XCR1: variants seen among roughly 807,000 people sequenced by gnomAD.
XCR1 encodes X-C motif chemokine receptor 1, also known as chemokine XC receptor 1.
For missense variants in XCR1, 356 were observed against 424.2 expected (o/e 0.84, Z 1.41); for synonymous variants, 187 against 188.5 (o/e 0.99, Z 0.06).
At position 46,020,810 on chromosome 3, in the gene XCR1, C is replaced by T. The variant is rs1708123839; in HGVS notation, c.*136G>A. The T allele has an allele frequency of 2.4e-6, 3 of 1,246,150 alleles. No individual in the cohort carries two copies. In the African/African-American group the frequency reaches 4.6e-5, roughly 19 times the overall value. 77.2% of individuals were successfully genotyped at this position (1,246,150 alleles called of 1,614,324 possible). On this transcript the variant is annotated 3_prime_UTR_variant, in exon 2 of 2. Coordinates refer to ENST00000309285, the MANE Select transcript of XCR1 (RefSeq NM_001024644.2). ...GGGACCCACTGGTGTAATGAATGACCTTCACTGCACGCCTGCAGCGGAGGA... is the reference window on the plus strand; with the variant it reads ...GGGACCCACTGGTGTAATGAATGACTTTCACTGCACGCCTGCAGCGGAGGA...
chr3:46,040,118 G>T (rs1255011131), intron 5 of XCR1, among the ~76,000 whole-genome samples: 1 of 152,080 alleles, frequency 6.6e-6, no homozygotes, highest in African/African-American at 2.4e-5. Context: ...TTTACCTTTT[G>T]AGTAAAACCA....
chr3:46,022,623 AT>A (rs1210639837), intron 1 of XCR1, among the ~76,000 whole-genome samples: 1 of 152,240 alleles, frequency 6.6e-6, no homozygotes, highest in Non-Finnish European at 1.5e-5. Context: ...TTTCTTTAGA[AT>A]GCCCTTCCTT....
intron 5 of XCR1, among the ~76,000 whole-genome samples, chr3:46,042,821 C>A (rs746509321): frequency 6.6e-6 from 1 of 152,176 alleles, no homozygotes; most frequent in South Asian, 2.1e-4. Flanking sequence ...TAATCTATAT[C>A]TGTGAGGCCA....
chr3:46,021,685 A>G lies in XCR1; in HGVS notation c.263T>C (p.Ile88Thr), dbSNP rs1276745171. The G allele has an allele frequency of 6.2e-7, 1 of 1,613,922 alleles. No homozygotes were observed. Among genetic ancestry groups the G allele is most frequent in the Non-Finnish European group, 8.5e-7 (1 of 1,180,022 alleles). ...CACCCAGCCCCAGTGGTATGGGGAG[A>G]TCCACACAGGCAACAAGCAGGCGAA... ...LVFACLLPVWISPYHWGWVLG... is the reference protein window; with the variant it reads ...LVFACLLPVWTSPYHWGWVLG... The change falls in exon 2 of 2, where the codon ATC (isoleucine) becomes ACC (threonine). Residue 88 changes from isoleucine (I) to threonine (T), a missense_variant. Transcript: ENST00000309285. The surrounding 1 kb of genome is among the most constrained non-coding windows in gnomAD (Gnocchi z 4.7).
rs1344043564 is a variant in XCR1, at chr3:46,017,031, T to C, written c.*3915A>G. 13 of 152,218 alleles carry C rather than the reference T, an allele frequency of 8.5e-5. No individual in the cohort carries two copies. Among genetic ancestry groups the C allele is most frequent in the Admixed American group, 8.5e-4 (13 of 15,286 alleles). 9.4% of individuals were successfully genotyped at this position (152,218 alleles called of 1,614,324 possible). A position where few individuals can be genotyped will look rare whatever the true frequency, so the allele number is the denominator to read the frequency against. Reference sequence around the variant, plus strand: ...CTTTTACTTGTGCATATTAACACAGTGAAGCTTTCTTGTTTAATGAAATGA... The same window carrying C: ...CTTTTACTTGTGCATATTAACACAGCGAAGCTTTCTTGTTTAATGAAATGA... On this transcript the variant is annotated 3_prime_UTR_variant, in exon 2 of 2. Transcript: ENST00000309285.
At position 46,034,759 on chromosome 3, in the gene XCR1, CT is replaced by C. The variant is rs539404884; in HGVS notation, c.-31-12782del. Among the ~76,000 whole-genome samples, 34 of 152,152 alleles carry C rather than the reference CT, an allele frequency of 2.2e-4. No individual in the cohort carries two copies. In the South Asian group the frequency reaches 2.7e-3, roughly 12 times the overall value. The stretch of plus-strand genomic sequence containing the variant: ...ACTGACCCAATAGTCCCATAGAGAG[CT>C]TTTTTGATGAAAAAAGCTTCTGGTT... On this transcript the variant is annotated intron_variant, in intron 5 of 5. Transcript: ENST00000683768.
At chr3:46,036,203 C>T (rs572570504) in intron 5 of XCR1, among the ~76,000 whole-genome samples, 1 of 152,234 alleles carries the variant, frequency 6.6e-6, no homozygotes, top group South Asian at 2.1e-4. Flanking sequence ...CTGTTCTGAG[C>T]AGGTTGGGCC....
chr3:46,074,509 T>C (rs1236091066), intron 3 of XCR1, among the ~76,000 whole-genome samples: 1 of 152,086 alleles, frequency 6.6e-6, no homozygotes, highest in Non-Finnish European at 1.5e-5. Flanking sequence ...AATTATTTAA[T>C]GGGTACAATG....
At position 46,020,590 on chromosome 3, in the gene XCR1, C is replaced by G; in HGVS notation, c.*356G>C. ...CAGTTATCACAATGAGCTTTAGGCCCTGTAAAGTCTCCAAGGAAGCACCTT... is the reference window on the plus strand; with the variant it reads ...CAGTTATCACAATGAGCTTTAGGCCGTGTAAAGTCTCCAAGGAAGCACCTT... On this transcript the variant is annotated 3_prime_UTR_variant, in exon 2 of 2. Transcript: ENST00000309285. 1 of 275,286 alleles carries G rather than the reference C, an allele frequency of 3.6e-6. No individual in the cohort carries two copies. Among genetic ancestry groups the G allele is most frequent in the Non-Finnish European group, 6.9e-6 (1 of 144,398 alleles). 17.1% of individuals were successfully genotyped at this position (275,286 alleles called of 1,614,324 possible). A position where few individuals can be genotyped will look rare whatever the true frequency, so the allele number is the denominator to read the frequency against.
intron 5 of XCR1, among the ~76,000 whole-genome samples, chr3:46,045,336 G>C (rs1184322364): frequency 6.6e-6 from 1 of 151,934 alleles, no homozygotes; most frequent in Non-Finnish European, 1.5e-5. Flanking sequence ...TTGAACTCAG[G>C]AGGCAGAGGT....
At chr3:46,047,648 T>C (rs1697659859) in intron 5 of XCR1, among the ~76,000 whole-genome samples, 1 of 152,178 alleles carries the variant, frequency 6.6e-6, no homozygotes, top group South Asian at 2.1e-4. Context: ...TCTCTTGAAT[T>C]GGTCCTTTCC....
At position 46,059,104 on chromosome 3, in the gene XCR1, C is replaced by T. The variant is rs570762483; in HGVS notation, c.-182-5034G>A. Among the ~76,000 whole-genome samples the T allele has an allele frequency of 3.9e-5, 6 of 152,232 alleles. No individual in the cohort carries two copies. In the East Asian group the frequency reaches 1.2e-3, roughly 29 times the overall value. On this transcript the variant is annotated intron_variant, in intron 4 of 5. Coordinates refer to the XCR1 transcript ENST00000683768. Reference sequence around the variant, plus strand: ...ATGGAAATGGTAAATATGAGACAGGCCCGAGCCAGCCTTGAAGGCACAAGA... The same window carrying T: ...ATGGAAATGGTAAATATGAGACAGGTCCGAGCCAGCCTTGAAGGCACAAGA...
Position 46,020,768 on chromosome 3 carries a change from G to T in XCR1, c.*178C>A, listed in dbSNP as rs1708123244. ...TTCCCAGGTAGGAAGCCACTTTCCC[G>T]CAGATGAGAGGCTGGCGGGACCCAC... On this transcript the variant is annotated 3_prime_UTR_variant, in exon 2 of 2. Coordinates refer to ENST00000309285, the MANE Select transcript of XCR1 (RefSeq NM_001024644.2). 2.3e-6 allele frequency: 2 copies of T among 864,544 alleles called. No homozygotes were observed. 53.6% of individuals were successfully genotyped at this position (864,544 alleles called of 1,614,324 possible). A position where few individuals can be genotyped will look rare whatever the true frequency, so the allele number is the denominator to read the frequency against.
chr3:46,051,308 G>T (rs1345236619), intron 5 of XCR1, among the ~76,000 whole-genome samples: 1 of 152,122 alleles, frequency 6.6e-6, no homozygotes, highest in East Asian at 1.9e-4. Flanking sequence ...AGTCAGTCTT[G>T]ACCCCATAAA....
At chr3:46,077,557 G>A (rs1264487984) in intron 1 of XCR1, among the ~76,000 whole-genome samples, 1 of 152,022 alleles carries the variant, frequency 6.6e-6, no homozygotes, top group Non-Finnish European at 1.5e-5. Flanking sequence ...TAATGCACTT[G>A]CTTCATCCCC....
intron 1 of XCR1, among the ~76,000 whole-genome samples, chr3:46,024,825 T>G (rs1285227273): frequency 6.6e-6 from 1 of 152,184 alleles, no homozygotes; most frequent in Non-Finnish European, 1.5e-5. Flanking sequence ...GGAGGAAATA[T>G]CCTTTGTTTT....
chr3:46,069,154 G>A (rs1698124021), intron 3 of XCR1, among the ~76,000 whole-genome samples: 1 of 151,780 alleles, frequency 6.6e-6, no homozygotes, highest in South Asian at 2.1e-4. Flanking sequence ...TTAAAAAAGA[G>A]AAAATGTCTC....
intron 3 of XCR1, among the ~76,000 whole-genome samples, chr3:46,069,061 A>G (rs189139954): frequency 2.2e-4 from 34 of 152,334 alleles, no homozygotes; most frequent in African/African-American, 7.7e-4. Flanking sequence ...AATGAAATAA[A>G]AATGAAAATA....
chr3:46,026,897 AT>A (rs34872226), intron 1 of XCR1, among the ~76,000 whole-genome samples: 31,661 of 136,322 alleles, frequency 0.23, 5,248 homozygotes, highest in African/African-American at 0.48. Flanking sequence ...TTCTTCTTTG[AT>A]TTTTTTTTTT....
Sources: gnomAD v4.1 joint callset for allele counts (sites outside exome capture counted in the v4.1 genomes callset) on GRCh38, gnomAD v4.1.1 for gene constraint, Gnocchi (gnomAD v3.1) non-coding constraint, MANE v1.5 for transcripts, NCBI Gene and HGNC (gene_info 2026-07-23, HGNC 2026-07-21) for gene names.